The following RNF213 variants were observed in gnomAD, a reference collection of about 807,000 sequenced individuals.
RNF213 encodes the protein E3 ubiquitin-protein ligase RNF213.
A neutral mutation model predicts 514.4 loss-of-function variants in RNF213; 341 were observed. The ratio of observed to expected loss-of-function variants is 0.66; its 90% confidence interval spans 0.61 to 0.73. The LOEUF (loss-of-function observed/expected upper bound fraction) is 0.73, where lower values mean the gene tolerates loss of function less well. Ranked by LOEUF, RNF213 falls within the 30% of genes least tolerant of loss-of-function variation. RNF213 has a pLI of 0.00. For missense variants in RNF213, 5,767 were observed against 6,615.6 expected, an observed-to-expected ratio of 0.87 and a Z score of 4.45; for synonymous variants, 2,655 against 2,658.2, an observed-to-expected ratio of 1.00 and a Z score of 0.04.
rs2043498116 is a variant in RNF213 at position 80,263,517 on chromosome 17, T to C, written c.-108-57T>C. ...AGGGGCTGGGCTTGGGCTGTGCTCC[T>C]GTTGGGTTTCCATTAACCAGGGGAC... On this transcript the variant is annotated intron_variant, in intron 1 of 67. Coordinates refer to ENST00000582970, the MANE Select transcript of RNF213 (RefSeq NM_001256071.3). The surrounding 1 kb of genome is among the most constrained non-coding windows in gnomAD (Gnocchi z 4.9). 13 of 675,776 alleles carry C rather than the reference T, an allele frequency of 1.9e-5. No individual in the cohort carries two copies. The highest frequency in any genetic ancestry group is 3.0e-5 in the Non-Finnish European group (11 of 366,552). The allele number at this position is 675,776 out of a possible 1,614,324, so 41.9% of individuals were successfully genotyped here. A position where few individuals can be genotyped will look rare whatever the true frequency, so the allele number is the denominator to read the frequency against.
rs183482560 is a variant in RNF213 at position 80,298,570 on chromosome 17, A to G, written c.2210+52A>G. On this transcript the variant is annotated intron_variant, in intron 11 of 67. Transcript: ENST00000582970. ...CATGAATCTGGGAAGACTGACTCCTACATTGTGCACCCGGAGTCCCGGTGG... is the reference window on the plus strand; with the variant it reads ...CATGAATCTGGGAAGACTGACTCCTGCATTGTGCACCCGGAGTCCCGGTGG... 856 of 1,600,464 alleles carry G rather than the reference A, an allele frequency of 5.3e-4. 6 individuals carry two copies. The African/African-American group carries it at 9.1e-3, about 17-fold the overall frequency.
rs1401222617 is a variant in RNF213, at chr17:80,289,700, A to G, written c.975A>G (p.Glu325=). The change falls in exon 6 of 68, where the codon GAA becomes GAG. Residue 325 remains glutamate (E), a synonymous_variant. Transcript: ENST00000582970. ...TKTKDEMAAA[E]EKVGKNEQGE... Reference sequence around the variant, plus strand: ...CCAAGGACGAGATGGCTGCTGCTGAAGAAAAAGTCGGTAAGAATGAACAAG... The same window carrying G: ...CCAAGGACGAGATGGCTGCTGCTGAGGAAAAAGTCGGTAAGAATGAACAAG... The G allele has an allele frequency of 2.5e-6, 4 of 1,614,030 alleles. No individual in the cohort carries two copies. The African/African-American group carries it at 4.0e-5, about 16-fold the overall frequency.
chr17:80,377,769 C>A lies in RNF213; in HGVS notation c.13518C>A (p.Pro4506=). Residue 4506 remains proline (P), a synonymous_variant, in exon 54 of 68, where the codon CCC becomes CCA. Coordinates refer to ENST00000582970, the MANE Select transcript of RNF213 (RefSeq NM_001256071.3). The surrounding 1 kb of genome is among the most constrained non-coding windows in gnomAD (Gnocchi z 4.1). ...GTCCTGTTCTCTTCACAGCTTGTCCCAACGGCCATCCTTGCTCCGTGGGAG... is the reference window on the plus strand; with the variant it reads ...GTCCTGTTCTCTTCACAGCTTGTCCAAACGGCCATCCTTGCTCCGTGGGAG... ...GLERVHWYTC[P]NGHPCSVGEC... is the part of the protein sequence containing the mutation. 6.2e-7 allele frequency: 1 copy of A among 1,614,182 alleles called. No individual in the cohort carries two copies. The highest frequency in any genetic ancestry group is 8.5e-7 in the Non-Finnish European group (1 of 1,180,028).
At chr17:80,388,167 T>C (rs2080315419) in intron 63 of RNF213, among the ~76,000 whole-genome samples, 1 of 152,180 alleles carries the variant, frequency 6.6e-6, no homozygotes, top group Non-Finnish European at 1.5e-5. Context: ...GGTTTCACCA[T>C]GTTAGCCAGG....
intron 26 of RNF213, 55 bp downstream of exon 26, chr17:80,340,411 C>T (rs1375752357): frequency 7.3e-6 from 11 of 1,505,420 alleles, no homozygotes; most frequent in Non-Finnish European, 9.9e-6. Context: ...GCCCGGGGCC[C>T]TTCCCCCCTC....
chr17:80,373,211 C>T (rs1330267089), intron 49 of RNF213, 46 bp downstream of exon 49: 22 of 1,561,446 alleles, frequency 1.4e-5, no homozygotes, highest in Non-Finnish European at 1.8e-5. Context: ...CCCCCACAGC[C>T]CCATACACCC....
At chr17:80,330,803 G>A (rs748966967) in intron 20 of RNF213, among the ~76,000 whole-genome samples, 7 of 152,198 alleles carry the variant, frequency 4.6e-5, no homozygotes, top group Non-Finnish European at 8.8e-5. Flanking sequence ...TGGGGTGACA[G>A]TTGGTGTGCT....
rs2043888530 is a variant in RNF213, at chr17:80,273,236, TAC to T, written c.98-3_98-2del. On this transcript the variant is annotated splice_region_variant and splice_polypyrimidine_tract_variant and intron_variant, in intron 2 of 67. Coordinates refer to ENST00000582970, the MANE Select transcript of RNF213 (RefSeq NM_001256071.3). ...ATCTGACCCTTCCTTCATCTGCCGT[TAC>T]AGATTCTGAGAACAATAACTCCACA... 6.2e-7 allele frequency: 1 copy of T among 1,613,380 alleles called. No homozygotes were observed. The highest frequency in any genetic ancestry group is 1.3e-5 in the African/African-American group (1 of 74,892).
chr17:80,315,399 GTGGTGGTAC>G (rs1568057710), intron 15 of RNF213, among the ~76,000 whole-genome samples: 1 of 8,548 alleles, frequency 1.2e-4, no homozygotes, highest in Non-Finnish European at 2.0e-4. Flanking sequence ...GGTGGTGGTG[GTGGTGGTAC>G]TGGAGGTGAT....
rs1481869170 is a variant in RNF213 at position 80,396,784 on chromosome 17, C to T, written c.*3286C>T. ...TTTGGTCAGAAGTCACACCTAATCA[C>T]CCTCTCTGCAGGATATGCTGGGGAT... On this transcript the variant is annotated 3_prime_UTR_variant, in exon 68 of 68. Coordinates refer to ENST00000582970, the MANE Select transcript of RNF213 (RefSeq NM_001256071.3). 7.1e-6 allele frequency: 1 copy of T among 141,602 alleles called. No individual in the cohort carries two copies. Among genetic ancestry groups the T allele is most frequent in the Non-Finnish European group, 1.5e-5 (1 of 65,270 alleles). 8.8% of individuals were successfully genotyped at this position (141,602 alleles called of 1,614,324 possible).
At chr17:80,357,970 AGAGT>A (rs2078896039) in intron 36 of RNF213, among the ~76,000 whole-genome samples, 1 of 152,224 alleles carries the variant, frequency 6.6e-6, no homozygotes, top group Admixed American at 6.5e-5. Flanking sequence ...TTGGCGTGAC[AGAGT>A]GAGACCCTCA....
intron 37 of RNF213, 148 bp downstream of exon 37, chr17:80,358,627 T>C (rs1016898729): frequency 4.1e-5 from 30 of 740,076 alleles, no homozygotes; most frequent in Non-Finnish European, 6.1e-5. Context: ...AATAGGAAGT[T>C]TGGCCGGGCA....
At position 80,393,967 on chromosome 17, in the gene RNF213, G is replaced by T. The variant is rs551297431; in HGVS notation, c.*469G>T. The T allele has an allele frequency of 6.3e-6, 1 of 159,052 alleles. No individual in the cohort carries two copies. The highest frequency in any genetic ancestry group is 1.7e-4 in the South Asian group (1 of 5,718). The allele number at this position is 159,052 out of a possible 1,614,324, so 9.9% of individuals were successfully genotyped here. A position where few individuals can be genotyped will look rare whatever the true frequency, so the allele number is the denominator to read the frequency against. On this transcript the variant is annotated 3_prime_UTR_variant, in exon 68 of 68. Transcript: ENST00000582970. ...TCTGAGTACTGTACATATATTTCTG[G>T]GTTCCCACGATGATGTGAAAAACTA... is the stretch of plus-strand genomic sequence containing the variant.
intron 32 of RNF213, chr17:80,352,444 C>T (rs574358958): frequency 2.7e-5 from 11 of 402,990 alleles, no homozygotes; most frequent in East Asian, 1.9e-4. Flanking sequence ...GCCTGTTTGG[C>T]GGGGAGGGAG....
rs771882010 is a variant in RNF213 at position 80,351,684 on chromosome 17, G to A, written c.10185-1G>A. 2 of 1,415,788 alleles carry A rather than the reference G, an allele frequency of 1.4e-6. No individual in the cohort carries two copies. The highest frequency in any genetic ancestry group is 2.0e-6 in the Non-Finnish European group (2 of 1,002,300). 87.7% of individuals were successfully genotyped at this position (1,415,788 alleles called of 1,614,324 possible). On this transcript the variant is annotated splice_acceptor_variant, in intron 31 of 67. Transcript: ENST00000582970. LOFTEE classifies it high-confidence loss of function. Reference sequence around the variant, plus strand: ...GTATTCTTTTTTTTTTCTTTAAATAGGTATTCTGTTATAAATGAAATCAAC... The same window carrying A: ...GTATTCTTTTTTTTTTCTTTAAATAAGTATTCTGTTATAAATGAAATCAAC...
In RNF213 at chr17:80,339,634, G is replaced by T. The variant is rs772938055; in HGVS notation, c.5267G>T (p.Arg1756Leu). 2.6e-6 allele frequency: 4 copies of T among 1,537,204 alleles called. No homozygotes were observed. The highest frequency in any genetic ancestry group is 2.4e-5 in the East Asian group (1 of 40,912). ...VGCGSEAARY[R>L]MRRVMEELPL... ...TGTGGGAGTGAGGCCGCCAGGTACC[G>T]CATGAGGAGAGTCATGGAAGAGCTC... Residue 1756 changes from arginine (R) to leucine (L), a missense_variant, in exon 26 of 68, where the codon CGC (arginine) becomes CTC (leucine). By Grantham distance (102) the Arg-to-Leu change is moderately radical (BLOSUM62 -2). Around this residue, in one of 13 missense-constraint regions of RNF213, gnomAD observed 1,377 missense variants for 1,635.2 expected, o/e 0.84. Transcript: ENST00000582970.
chr17:80,388,796 C>T, intron 64 of RNF213, 107 bp downstream of exon 64: 2 of 906,180 alleles, frequency 2.2e-6, no homozygotes, highest in South Asian at 2.6e-5. Context: ...TGCTGTGAGC[C>T]CACAGTTTCT....
rs780450003 is a variant in RNF213 at position 80,294,835 on chromosome 17, C to T, written c.1587C>T (p.Ala529=). The change falls in exon 9 of 68, where the codon GCC becomes GCT. Residue 529 remains alanine, a synonymous_variant. Transcript: ENST00000582970. ...ACCTGGTGAAGGGGAAGCAGATTGC[C>T]GCTGCGCTCATGCTGGACAGCACCT... ...RKDLVKGKQI[A]AALMLDSTFS... 3.2e-5 allele frequency: 51 copies of T among 1,614,070 alleles called. No individual in the cohort carries two copies. Among genetic ancestry groups the T allele is most frequent in the East Asian group, 2.7e-4 (12 of 44,894 alleles).
chr17:80,279,519 C>T (rs1453340914), intron 3 of RNF213, among the ~76,000 whole-genome samples: 2 of 151,810 alleles, frequency 1.3e-5, no homozygotes, highest in Admixed American at 1.3e-4. Context: ...AGCTGGAGTG[C>T]AGTGGCACGA....
Sources: allele counts gnomAD v4.1 joint callset (sites outside exome capture counted in the v4.1 genomes callset), GRCh38; gene constraint gnomAD v4.1.1; regional missense constraint gnomAD v4.1.1; non-coding constraint Gnocchi (gnomAD v3.1); transcripts MANE v1.5; gene names NCBI Gene and HGNC (gene_info 2026-07-23, HGNC 2026-07-21).